The following CNBD1 variants were observed in gnomAD, a reference collection of about 807,000 sequenced individuals.
CNBD1 encodes the protein cyclic nucleotide-binding domain-containing protein 1.
In CNBD1, 71 loss-of-function variants were observed where a neutral mutation model predicts 54.4. That is an observed-to-expected ratio of 1.30 (90% CI 1.08 to 1.59). The LOEUF is 1.59. Ranked by LOEUF, CNBD1 falls within the 40% of genes most tolerant of loss-of-function variation. The probability of loss-of-function intolerance (pLI) is 0.00; values close to 1 mark genes in which losing one functional copy is unlikely to be tolerated. For missense variants in CNBD1, 659 were observed against 518.0 expected (o/e 1.27, Z -2.64); for synonymous variants, 182 against 170.7 (o/e 1.07, Z -0.51).
chr8:87,307,748 T>TTATATATATATATATATA lies in CNBD1; in HGVS notation c.1042+21078_1042+21095dup, dbSNP rs35262193. 5.9e-4 allele frequency among the ~76,000 whole-genome samples: 81 copies of TTATATATATATATATATA among 138,070 alleles called. 1 individual carries two copies. The highest frequency in any genetic ancestry group is 2.0e-3 in the African/African-American group (70 of 34,968). The allele number at this position is 138,070 out of a possible 152,430, so 90.6% of individuals were successfully genotyped here. ...GTGAAACTCCGTCTCAAAAAAAAAA[T>TTATATATATATATATATA]TATATATATATATATATAACTTAGC... On this transcript the variant is annotated intron_variant, in intron 8 of 10. Transcript: ENST00000518476.
rs1808364473 is a variant in CNBD1, at chr8:86,866,549, CA to C, written c.56del (p.Asn19MetfsTer13). 3.1e-6 allele frequency: 5 copies of C among 1,611,870 alleles called. No individual in the cohort carries two copies. The highest frequency in any genetic ancestry group is 4.2e-6 in the Non-Finnish European group (5 of 1,179,018). On this transcript the variant is annotated frameshift_variant, in exon 1 of 11. Transcript: ENST00000518476. LOFTEE classifies it high-confidence loss of function. The stretch of plus-strand genomic sequence containing the variant: ...TTTTGTCTCACATGACAGCTATTAA[CA>C]ATGTGCCTCCTCCTCCACTTCACAG... ...AILSHMTAIN[N>X]VPPPPLHSIP...
chr8:86,894,507 G>A (rs1407479949), intron 2 of CNBD1, among the ~76,000 whole-genome samples: 2 of 152,080 alleles, frequency 1.3e-5, no homozygotes, highest in Non-Finnish European at 1.5e-5. Flanking sequence ...ATTTTTAGCC[G>A]ATGTTGTTAT....
At chr8:87,207,743 C>G (rs1387969104) in intron 5 of CNBD1, among the ~76,000 whole-genome samples, 1 of 151,970 alleles carries the variant, frequency 6.6e-6, no homozygotes, top group African/African-American at 2.4e-5. Flanking sequence ...TTTGATGGCA[C>G]CTTAACTCAC....
At chr8:87,358,955 T>C (rs756606381) in intron 10 of CNBD1, among the ~76,000 whole-genome samples, 3 of 152,148 alleles carry the variant, frequency 2.0e-5, no homozygotes, top group Non-Finnish European at 4.4e-5. Context: ...GTGTTATCTG[T>C]TTGCATTGGT....
intron 6 of CNBD1, among the ~76,000 whole-genome samples, chr8:87,268,698 A>G (rs1405630088): frequency 6.6e-6 from 1 of 152,072 alleles, no homozygotes; most frequent in African/African-American, 2.4e-5. Flanking sequence ...TGAGCATTTT[A>G]AAATATATTC....
chr8:86,887,359 C>A (rs62528021), intron 1 of CNBD1, among the ~76,000 whole-genome samples, 183 bp from the exon 2 acceptor site: 1,641 of 152,224 alleles, frequency 0.011, 21 homozygotes, highest in Non-Finnish European at 0.018. Flanking sequence ...ACATTAAATT[C>A]TTTCCTCACC....
chr8:87,408,619 A>G (rs926606589), intron 2 of CNBD1, among the ~76,000 whole-genome samples: 1 of 152,080 alleles, frequency 6.6e-6, no homozygotes, highest in Non-Finnish European at 1.5e-5. Flanking sequence ...GCTTCATTAT[A>G]TCATGCTTCA....
At chr8:87,006,784 C>T (rs1809106878) in intron 4 of CNBD1, among the ~76,000 whole-genome samples, 3 of 152,216 alleles carry the variant, frequency 2.0e-5, no homozygotes, top group Admixed American at 6.5e-5. Flanking sequence ...TAATCTCCTC[C>T]TCTTCCTGCC....
chr8:87,299,829 C>A (rs1378667785), intron 8 of CNBD1, among the ~76,000 whole-genome samples: 1 of 152,150 alleles, frequency 6.6e-6, no homozygotes, highest in African/African-American at 2.4e-5. Flanking sequence ...CCACACCACA[C>A]CCTGCAGCCA....
chr8:87,358,633 T>G (rs1810467891), intron 10 of CNBD1, among the ~76,000 whole-genome samples: 1 of 152,126 alleles, frequency 6.6e-6, no homozygotes, highest in Non-Finnish European at 1.5e-5. Context: ...GATTGGCTAA[T>G]GTGATTGTAG....
At chr8:87,211,937 T>G (rs1814107789) in intron 5 of CNBD1, among the ~76,000 whole-genome samples, 1 of 152,280 alleles carries the variant, frequency 6.6e-6, no homozygotes, top group South Asian at 2.1e-4. Flanking sequence ...TGAAGAAGGA[T>G]AACTAAAATA....
intron 4 of CNBD1, among the ~76,000 whole-genome samples, chr8:87,092,487 G>GTGTGTGTATATATATACACATA (rs1811232737): frequency 6.8e-6 from 1 of 146,610 alleles, no homozygotes; most frequent in African/African-American, 2.6e-5. Flanking sequence ...ATACACATAT[G>GTGTGTGTATATATATACACATA]TGTGTGTGTA....
At chr8:86,877,474 A>AT (rs1364295675) in intron 1 of CNBD1, among the ~76,000 whole-genome samples, 1 of 152,066 alleles carries the variant, frequency 6.6e-6, no homozygotes, top group African/African-American at 2.4e-5. Context: ...CATGAGTCAC[A>AT]TTTTTTTCTT....
chr8:87,288,899 C>G (rs938111942), intron 8 of CNBD1, among the ~76,000 whole-genome samples: 26 of 152,104 alleles, frequency 1.7e-4, no homozygotes, highest in Non-Finnish European at 3.2e-4. Flanking sequence ...TTCTGAAAGA[C>G]TGTAGTTTTT....
chr8:87,383,406 T>C (rs1409545034), downstream of CNBD1, among the ~76,000 whole-genome samples: 1 of 152,066 alleles, frequency 6.6e-6, no homozygotes, highest in Non-Finnish European at 1.5e-5. Flanking sequence ...TGACACAATA[T>C]TAGGTGCTCT....
chr8:87,301,601 T>C (rs1016112423), intron 8 of CNBD1, among the ~76,000 whole-genome samples: 1 of 151,890 alleles, frequency 6.6e-6, no homozygotes, highest in Non-Finnish European at 1.5e-5. Context: ...ATAAATGTGA[T>C]ACACCACATA....
chr8:87,162,646 C>T (rs1812881394), intron 4 of CNBD1, among the ~76,000 whole-genome samples: 1 of 151,916 alleles, frequency 6.6e-6, no homozygotes, highest in Admixed American at 6.6e-5. Flanking sequence ...TTAATTTTTC[C>T]ACAGCTATGT....
At chr8:86,928,583 C>A (rs778273410) in intron 3 of CNBD1, among the ~76,000 whole-genome samples, 14 of 152,202 alleles carry the variant, frequency 9.2e-5, no homozygotes, top group Non-Finnish European at 2.1e-4. Flanking sequence ...ACTTCCTGAG[C>A]CTTCTCTGTT....
chr8:87,257,237 C>G (rs760425508), intron 6 of CNBD1, among the ~76,000 whole-genome samples: 3 of 151,706 alleles, frequency 2.0e-5, no homozygotes, highest in Non-Finnish European at 2.9e-5. Context: ...AGTGTGGTAG[C>G]AGGCACCTGT....
Sources: allele counts gnomAD v4.1 joint callset (sites outside exome capture counted in the v4.1 genomes callset), GRCh38; gene constraint gnomAD v4.1.1; transcripts MANE v1.5; gene names NCBI Gene and HGNC (gene_info 2026-07-23, HGNC 2026-07-21).